The following COL28A1 variants were observed in gnomAD, a reference collection of about 807,000 sequenced individuals.
COL28A1 encodes the protein collagen type XXVIII alpha 1 chain.
COL28A1 carries 161 observed loss-of-function variants against 150.2 expected under a neutral mutation model. That is an observed-to-expected ratio of 1.07 (90% CI 0.94 to 1.22). The LOEUF is 1.22. Ranked by LOEUF, COL28A1 falls within the 50% of genes most tolerant of loss-of-function variation. COL28A1 has a pLI of 0.00. For synonymous variants in COL28A1, 552 were observed against 469.7 expected (o/e 1.18, Z -2.26); for missense variants, 1,617 against 1,388.3 (o/e 1.16, Z -2.62).
the COL28A1 span, among the ~76,000 whole-genome samples, chr7:7,341,665 T>C: frequency 1.3e-5 from 2 of 152,154 alleles, no homozygotes; most frequent in Non-Finnish European, 2.9e-5. Context: ...TCTCTCTAGG[T>C]ATGTAGTATT....
In COL28A1 at chr7:7,370,900, GAA is replaced by G. The variant is rs1278798235; in HGVS notation, c.2909-20_2909-19del. 6.5e-7 allele frequency: 1 copy of G among 1,545,824 alleles called. No individual in the cohort carries two copies. Among genetic ancestry groups the G allele is most frequent in the Admixed American group, 1.7e-5 (1 of 59,190 alleles). Reference sequence around the variant, plus strand: ...CAGGGTGTCTTTTAAAAAAGAAGTAGAAAAGAGAGATAGTAGAAGCAATGAAA... The same window carrying G: ...CAGGGTGTCTTTTAAAAAAGAAGTAGAAGAGAGATAGTAGAAGCAATGAAA... On this transcript the variant is annotated intron_variant, in intron 32 of 34. Coordinates refer to ENST00000399429, the MANE Select transcript of COL28A1 (RefSeq NM_001037763.3).
chr7:7,343,176 A>ATC, the COL28A1 span, among the ~76,000 whole-genome samples: 1 of 151,890 alleles, frequency 6.6e-6, no homozygotes, highest in Non-Finnish European at 1.5e-5. Flanking sequence ...ATATATATAT[A>ATC]TAAGTGTAGA....
At chr7:7,519,225 G>C (rs935069933) in intron 6 of COL28A1, among the ~76,000 whole-genome samples, 1 of 152,092 alleles carries the variant, frequency 6.6e-6, no homozygotes, top group Non-Finnish European at 1.5e-5. Context: ...AGCTTATGTA[G>C]GGGAACTTCC....
intron 8 of COL28A1, among the ~76,000 whole-genome samples, chr7:7,515,248 A>G (rs1419241765): frequency 6.6e-6 from 1 of 152,206 alleles, no homozygotes; most frequent in African/African-American, 2.4e-5. Context: ...TCCCTTTTAA[A>G]GCAGTTTGGT....
chr7:7,521,892 G>T lies in COL28A1; in HGVS notation c.759+13C>A. The T allele has an allele frequency of 1.0e-6, 1 of 977,124 alleles. No individual in the cohort carries two copies. Among genetic ancestry groups the T allele is most frequent in the Non-Finnish European group, 1.7e-6 (1 of 597,384 alleles). 60.5% of individuals were successfully genotyped at this position (977,124 alleles called of 1,614,324 possible). A position where few individuals can be genotyped will look rare whatever the true frequency, so the allele number is the denominator to read the frequency against. ...GACTTTCTGACTTAAGTTCAAAGTGGAAGTATACTCACAGGAGGCCCTGGA... is the reference window on the plus strand; with the variant it reads ...GACTTTCTGACTTAAGTTCAAAGTGTAAGTATACTCACAGGAGGCCCTGGA... On this transcript the variant is annotated intron_variant, in intron 5 of 34. Coordinates refer to ENST00000399429, the MANE Select transcript of COL28A1 (RefSeq NM_001037763.3).
intron 27 of COL28A1, among the ~76,000 whole-genome samples, chr7:7,388,248 T>C (rs978346951): frequency 1.3e-5 from 2 of 151,906 alleles, no homozygotes; most frequent in Admixed American, 1.3e-4. Flanking sequence ...CAGTTATGAG[T>C]GAGAACATGC....
At chr7:7,513,416 G>T (rs187181093) in intron 8 of COL28A1, among the ~76,000 whole-genome samples, 1 of 152,306 alleles carries the variant, frequency 6.6e-6, no homozygotes, top group Non-Finnish European at 1.5e-5. Context: ...TCTGCCTAGG[G>T]TACTGCCTGG....
rs1177040917 is a variant in COL28A1, at chr7:7,413,960, A to T, written c.2136+3899T>A. On this transcript the variant is annotated intron_variant, in intron 27 of 34. Coordinates refer to ENST00000399429, the MANE Select transcript of COL28A1 (RefSeq NM_001037763.3). ...TACCAGGAATTGTGTTTATATAAGG[A>T]CTTCTGGGTCCTCTGAAAATAAGTA... Among the ~76,000 whole-genome samples, 4 of 152,168 alleles carry T rather than the reference A, an allele frequency of 2.6e-5. No homozygotes were observed. In the East Asian group the frequency reaches 7.7e-4, roughly 29 times the overall value.
the COL28A1 span, among the ~76,000 whole-genome samples, chr7:7,339,697 G>C: frequency 1.4e-4 from 22 of 152,074 alleles, no homozygotes; most frequent in East Asian, 4.1e-3. Flanking sequence ...AAGAAAAAAG[G>C]CACATTATTT....
intron 15 of COL28A1, among the ~76,000 whole-genome samples, chr7:7,469,639 C>T (rs1249196609): frequency 9.7e-5 from 10 of 103,240 alleles, no homozygotes; most frequent in African/African-American, 3.5e-4. Flanking sequence ...CAAAAAAGAG[C>T]CCGCATTGCC....
intron 8 of COL28A1, among the ~76,000 whole-genome samples, chr7:7,513,817 A>G (rs1180174192): frequency 3.3e-5 from 5 of 152,222 alleles, no homozygotes; most frequent in South Asian, 2.1e-4. Context: ...ATTGCCATCA[A>G]TGAAAATATT....
chr7:7,417,816 T>C (rs1212525975), intron 27 of COL28A1, 43 bp downstream of exon 27: 1 of 1,522,350 alleles, frequency 6.6e-7, no homozygotes, highest in Admixed American at 1.7e-5. Context: ...CCAATCACTC[T>C]GGTGAAATCA....
intron 33 of COL28A1, among the ~76,000 whole-genome samples, chr7:7,367,058 G>A (rs546359691): frequency 2.0e-5 from 3 of 152,290 alleles, no homozygotes; most frequent in Non-Finnish European, 4.4e-5. Context: ...GGTCCCATCC[G>A]ATTATAATAC....
intron 27 of COL28A1, among the ~76,000 whole-genome samples, chr7:7,405,334 C>G (rs1783435424): frequency 6.6e-6 from 1 of 152,078 alleles, no homozygotes; most frequent in Non-Finnish European, 1.5e-5. Context: ...CACAAAATCA[C>G]CACAGTATGG....
intron 18 of COL28A1, among the ~76,000 whole-genome samples, chr7:7,445,238 A>G (rs1480044354): frequency 6.6e-6 from 1 of 152,196 alleles, no homozygotes; most frequent in Non-Finnish European, 1.5e-5. Flanking sequence ...AACGGGTACT[A>G]TAAGAAGAGG....
At position 7,477,115 on chromosome 7, in the gene COL28A1, TG is replaced by T. The variant is rs776674338; in HGVS notation, c.1229del (p.Pro410GlnfsTer28). The T allele has an allele frequency of 8.5e-7, 1 of 1,178,910 alleles. No individual in the cohort carries two copies. Among genetic ancestry groups the T allele is most frequent in the African/African-American group, 1.5e-5 (1 of 66,922 alleles). The allele number at this position is 1,178,910 out of a possible 1,614,324, so 73.0% of individuals were successfully genotyped here. A position where few individuals can be genotyped will look rare whatever the true frequency, so the allele number is the denominator to read the frequency against. The stretch of plus-strand genomic sequence containing the variant: ...CTGGTACAGAAGGTATTGTTACCTT[TG>T]GTCCTGGAAATCCTTCTCCGGGTAA... ...RGLPGEGFPG[P>X]KGEKGSEGPT... On this transcript the variant is annotated frameshift_variant, in exon 14 of 35. Transcript: ENST00000399429. LOFTEE classifies it high-confidence loss of function.
At chr7:7,475,966 T>C (rs1400345788) in intron 14 of COL28A1, among the ~76,000 whole-genome samples, 5 of 152,224 alleles carry the variant, frequency 3.3e-5, no homozygotes, top group Non-Finnish European at 7.3e-5. Context: ...CACTCAAAAC[T>C]AAGGATGAAT....
intron 25 of COL28A1, among the ~76,000 whole-genome samples, chr7:7,425,196 C>A (rs189600324): frequency 1.5e-3 from 229 of 152,272 alleles, no homozygotes; most frequent in Middle Eastern, 0.014. Flanking sequence ...AACTGAGCTA[C>A]AGCAGGATAC....
At chr7:7,368,550 C>T (rs1781059952) in intron 33 of COL28A1, among the ~76,000 whole-genome samples, 1 of 152,112 alleles carries the variant, frequency 6.6e-6, no homozygotes, top group African/African-American at 2.4e-5. Context: ...AAACCTGAAT[C>T]CCCAGTGTGA....
Sources: allele counts gnomAD v4.1 joint callset (sites outside exome capture counted in the v4.1 genomes callset), GRCh38; gene constraint gnomAD v4.1.1; transcripts MANE v1.5; gene names NCBI Gene and HGNC (gene_info 2026-07-23, HGNC 2026-07-21).